Variants in LRRTM4 observed in about 807,000 individuals in gnomAD.
LRRTM4 encodes the protein leucine-rich repeat transmembrane neuronal protein 4.
Under a neutral mutation model 47.6 loss-of-function variants are expected in LRRTM4, and 25 were observed. The ratio of observed to expected loss-of-function variants is 0.53; its 90% CI spans 0.38 to 0.73. The LOEUF (loss-of-function observed/expected upper bound fraction) is 0.73, where lower values mean the gene tolerates loss of function less well. Among genes scored for constraint, LRRTM4 ranks in the 30% least tolerant of loss-of-function variants. The pLI is 0.00. For synonymous variants in LRRTM4, 311 were observed against 269.5 expected (o/e 1.15, Z -1.51); for missense variants, 638 against 713.4 (o/e 0.89, Z 1.20).
At chr2:77,095,863 T>A (rs1422073467) in intron 3 of LRRTM4, among the ~76,000 whole-genome samples, 1 of 152,122 alleles carries the variant, frequency 6.6e-6, no homozygotes, top group Non-Finnish European at 1.5e-5. Context: ...TGAATGCAAC[T>A]GGCTGTGAGA....
intron 3 of LRRTM4, among the ~76,000 whole-genome samples, chr2:77,496,553 A>C (rs532722517): frequency 2.0e-4 from 31 of 151,916 alleles, no homozygotes; most frequent in South Asian, 1.7e-3. Context: ...AATTTTCTCA[A>C]ACGCTTTGTC....
chr2:77,254,064 T>C lies in LRRTM4; in HGVS notation c.1551+264254A>G, dbSNP rs377686748. ...TATATACACACACATACATCATACA[T>C]ACATATACACACAACTATATAGGTG... On this transcript the variant is annotated intron_variant, in intron 3 of 3. Coordinates refer to ENST00000409884, the MANE Select transcript of LRRTM4 (RefSeq NM_001134745.3). Among the ~76,000 whole-genome samples, 58 of 152,134 alleles carry C rather than the reference T, an allele frequency of 3.8e-4. 1 individual carries two copies. In the South Asian group the frequency reaches 0.012, roughly 32 times the overall value.
chr2:76,980,785 G>T (rs1676579783), intron 3 of LRRTM4, among the ~76,000 whole-genome samples: 1 of 152,054 alleles, frequency 6.6e-6, no homozygotes, highest in Admixed American at 6.6e-5. Flanking sequence ...AATGCCGGAT[G>T]TACTGATTGG....
chr2:76,888,349 T>C (rs1213367384), intron 3 of LRRTM4, among the ~76,000 whole-genome samples: 2 of 151,362 alleles, frequency 1.3e-5, no homozygotes, highest in East Asian at 3.9e-4. Flanking sequence ...ATGGAACAAT[T>C]GTACGTATAT....
chr2:77,205,825 T>G (rs532676609), intron 3 of LRRTM4, among the ~76,000 whole-genome samples: 4 of 152,142 alleles, frequency 2.6e-5, no homozygotes, highest in Non-Finnish European at 5.9e-5. Context: ...AATAATCATT[T>G]GCTAAAGATT....
At chr2:77,364,144 C>A (rs67315330) in intron 3 of LRRTM4, among the ~76,000 whole-genome samples, 72 of 76,712 alleles carry the variant, frequency 9.4e-4, no homozygotes, top group Non-Finnish European at 1.4e-3. Context: ...AAAAAAAAAA[C>A]AAGTTCTTGT....
At chr2:77,323,403 A>G (rs763643931) in intron 3 of LRRTM4, among the ~76,000 whole-genome samples, 9 of 152,244 alleles carry the variant, frequency 5.9e-5, no homozygotes, top group Non-Finnish European at 1.2e-4. Context: ...AATGCTGAGA[A>G]ATACTGTTGA....
chr2:77,184,716 T>G (rs371245691), intron 3 of LRRTM4, among the ~76,000 whole-genome samples: 1 of 152,118 alleles, frequency 6.6e-6, no homozygotes, highest in Non-Finnish European at 1.5e-5. Context: ...AAAACTGATA[T>G]CTACATAAAT....
chr2:77,087,057 C>G (rs1028096444), intron 3 of LRRTM4, among the ~76,000 whole-genome samples: 6 of 152,152 alleles, frequency 3.9e-5, no homozygotes, highest in African/African-American at 1.4e-4. Flanking sequence ...AATTGAAAAT[C>G]AGAAAGTTCA....
At chr2:76,926,433 G>C (rs756576791) in intron 3 of LRRTM4, among the ~76,000 whole-genome samples, 62 of 152,050 alleles carry the variant, frequency 4.1e-4, no homozygotes, top group Non-Finnish European at 7.8e-4. Context: ...GTCTATCATT[G>C]CCTATTTTGT....
chr2:77,366,515 T>G (rs544080267), intron 3 of LRRTM4, among the ~76,000 whole-genome samples: 45 of 151,962 alleles, frequency 3.0e-4, no homozygotes, highest in African/African-American at 1.1e-3. Context: ...ACTCACAGAT[T>G]TATGTCTCCA....
rs371085269 is a variant in LRRTM4, at chr2:77,157,054, C to A, written c.1551+361264G>T. Among the ~76,000 whole-genome samples, 54 of 152,080 alleles carry A rather than the reference C, an allele frequency of 3.6e-4. 1 individual carries two copies. The South Asian group carries it at 0.011, about 31-fold the overall frequency. On this transcript the variant is annotated intron_variant, in intron 3 of 3. Transcript: ENST00000409884. The stretch of plus-strand genomic sequence containing the variant: ...TTAAATATACAAGTTATTAAACAAA[C>A]CCTTAACATTTTAATTTAGTTTAAT...
intron 3 of LRRTM4, among the ~76,000 whole-genome samples, chr2:77,197,472 G>T (rs1313907183): frequency 6.6e-6 from 1 of 152,142 alleles, no homozygotes; most frequent in Non-Finnish European, 1.5e-5. Flanking sequence ...TCAGATTGCT[G>T]ATTTTAGAGA....
intron 3 of LRRTM4, among the ~76,000 whole-genome samples, chr2:77,433,342 G>A (rs1159054014): frequency 2.0e-5 from 3 of 152,110 alleles, no homozygotes; most frequent in Admixed American, 1.3e-4. Flanking sequence ...AAGATATGAT[G>A]TGCAGGGAGG....
At chr2:76,829,497 A>G (rs1217471929) in intron 3 of LRRTM4, among the ~76,000 whole-genome samples, 3 of 151,410 alleles carry the variant, frequency 2.0e-5, no homozygotes, top group Non-Finnish European at 4.4e-5. Flanking sequence ...TATAATCTGC[A>G]CCACATCTAA....
At position 76,779,063 on chromosome 2, in the gene LRRTM4, G is replaced by A. The variant is rs867081285; in HGVS notation, c.1552-30147C>T. Among the ~76,000 whole-genome samples, 1,058 of 142,248 alleles carry A rather than the reference G, an allele frequency of 7.4e-3. 19 individuals are homozygous for A. The highest frequency in any genetic ancestry group is 0.027 in the African/African-American group (988 of 37,024). 93.3% of individuals were successfully genotyped at this position (142,248 alleles called of 152,430 possible). The stretch of plus-strand genomic sequence containing the variant: ...CAGGTTGTTCAGTTTCCATGTAGTT[G>A]AGTGGTTTTGAGTGAGATTCTTAAT... On this transcript the variant is annotated intron_variant, in intron 3 of 3. Coordinates refer to ENST00000409884, the MANE Select transcript of LRRTM4 (RefSeq NM_001134745.3).
At chr2:76,847,037 A>G (rs1233484473) in intron 3 of LRRTM4, among the ~76,000 whole-genome samples, 3 of 152,202 alleles carry the variant, frequency 2.0e-5, no homozygotes, top group South Asian at 2.1e-4. Flanking sequence ...ACAGGTATGT[A>G]TTTATTAGAC....
At chr2:76,806,649 C>G (rs1675982649) in intron 3 of LRRTM4, among the ~76,000 whole-genome samples, 1 of 151,078 alleles carries the variant, frequency 6.6e-6, no homozygotes, top group Non-Finnish European at 1.5e-5. Context: ...TTTTTATAAA[C>G]TTGAAATAAA....
intron 3 of LRRTM4, among the ~76,000 whole-genome samples, chr2:77,404,872 A>T (rs1674119429): frequency 6.6e-6 from 1 of 152,124 alleles, no homozygotes; most frequent in African/African-American, 2.4e-5. Flanking sequence ...GCATAGAGTA[A>T]AAGTTTTTTT....
Sources: gnomAD v4.1 joint callset for allele counts (sites outside exome capture counted in the v4.1 genomes callset) on GRCh38, gnomAD v4.1.1 for gene constraint, MANE v1.5 for transcripts, NCBI Gene and HGNC (gene_info 2026-07-23, HGNC 2026-07-21) for gene names.